The following THSD4 variants were observed in gnomAD, a reference collection of about 807,000 sequenced individuals.
The protein encoded by THSD4 is thrombospondin type-1 domain-containing protein 4.
In THSD4, 69 loss-of-function variants were observed where a neutral mutation model predicts 119.0. The ratio of observed to expected loss-of-function variants is 0.58; its 90% CI spans 0.48 to 0.71. The LOEUF is 0.71. Ranked by LOEUF, THSD4 falls within the 30% of genes least tolerant of loss-of-function variation. The probability of loss-of-function intolerance (pLI) is 0.00; values close to 1 mark genes in which losing one functional copy is unlikely to be tolerated. For synonymous variants in THSD4, 524 were observed against 540.4 expected (o/e 0.97, Z 0.42); for missense variants, 1,393 against 1,391.1 (o/e 1.00, Z -0.02).
intron 7 of THSD4, among the ~76,000 whole-genome samples, chr15:71,531,258 G>A (rs552137144): frequency 6.6e-6 from 1 of 152,220 alleles, no homozygotes; most frequent in East Asian, 1.9e-4. Flanking sequence ...TCATCCTACA[G>A]GCAATAGGAA....
chr15:71,300,400 C>T (rs2044932232), intron 6 of THSD4, among the ~76,000 whole-genome samples: 1 of 152,096 alleles, frequency 6.6e-6, no homozygotes, highest in Admixed American at 6.5e-5. Flanking sequence ...AGTAGTTTCT[C>T]TTCTGGTTAG....
chr15:71,500,755 C>T (rs1451171476), intron 7 of THSD4, among the ~76,000 whole-genome samples: 1 of 152,182 alleles, frequency 6.6e-6, no homozygotes, highest in Non-Finnish European at 1.5e-5. Context: ...ATTGTGTAAC[C>T]TTGGCACCCT....
chr15:71,150,550 A>T (rs1189379635), intron 2 of THSD4, among the ~76,000 whole-genome samples: 1 of 152,258 alleles, frequency 6.6e-6, no homozygotes, highest in Non-Finnish European at 1.5e-5. Flanking sequence ...AGTTTACTCC[A>T]GAATGAATTT....
intron 5 of THSD4, among the ~76,000 whole-genome samples, chr15:71,246,608 T>G (rs1230224395): frequency 1.3e-5 from 2 of 152,232 alleles, no homozygotes; most frequent in Non-Finnish European, 2.9e-5. Context: ...GCATGTTTAA[T>G]ATTAAGACCT....
At chr15:71,587,786 T>TAAAAAAAAAAAAAAAAAAAAAAAAA (rs1491483701) in intron 7 of THSD4, among the ~76,000 whole-genome samples, 1 of 5,776 alleles carries the variant, frequency 1.7e-4, no homozygotes. Flanking sequence ...AAAAAAAAAA[T>TAAAAAAAAAAAAAAAAAAAAAAAAA]TAAAAAAAAA....
intron 8 of THSD4, among the ~76,000 whole-genome samples, chr15:71,688,510 T>C (rs1190646551): frequency 1.3e-5 from 2 of 152,194 alleles, no homozygotes; most frequent in African/African-American, 4.8e-5. Context: ...TAATGAAATA[T>C]TTTCCCAACC....
chr15:71,237,174 G>A (rs1596284174), intron 4 of THSD4, among the ~76,000 whole-genome samples: 1 of 152,066 alleles, frequency 6.6e-6, no homozygotes, highest in Admixed American at 6.5e-5. Flanking sequence ...AGAAGGGGTG[G>A]GTGGAAGAGC....
intron 15 of THSD4, 72 bp from the exon 16 acceptor site, chr15:71,764,948 T>A (rs1280583964): frequency 6.6e-7 from 1 of 1,524,216 alleles, no homozygotes; most frequent in African/African-American, 1.4e-5. Context: ...GTCATAAGCA[T>A]CCCTTGATGG....
intron 7 of THSD4, among the ~76,000 whole-genome samples, chr15:71,430,773 A>AG (rs1479441125): frequency 1.4e-5 from 2 of 147,386 alleles, no homozygotes; most frequent in Non-Finnish European, 3.0e-5. Flanking sequence ...AAAAAAAAAA[A>AG]AAAAAAAAAA....
intron 8 of THSD4, among the ~76,000 whole-genome samples, chr15:71,716,998 A>AAG (rs1474647611): frequency 4.6e-5 from 7 of 152,186 alleles, no homozygotes; most frequent in African/African-American, 1.7e-4. Context: ...TTTTTTAGAC[A>AAG]ACTCCAGTTT....
At position 71,317,393 on chromosome 15, in the gene THSD4, A is replaced by C. The variant is rs141989284; in HGVS notation, c.1015+60678A>C. Among the ~76,000 whole-genome samples, 482 of 152,338 alleles carry C rather than the reference A, an allele frequency of 3.2e-3. 23 individuals are homozygous for C. In the East Asian group the frequency reaches 0.079, roughly 25 times the overall value. On this transcript the variant is annotated intron_variant, in intron 6 of 17. Coordinates refer to ENST00000261862, the MANE Select transcript of THSD4 (RefSeq NM_024817.3). The stretch of plus-strand genomic sequence containing the variant: ...TTCCACATGGCTATGGAGGCTTCAC[A>C]GTAATGGCAGAAGGTGATGGAGGAG...
chr15:71,395,135 C>T (rs1434122871), intron 6 of THSD4, among the ~76,000 whole-genome samples: 1 of 152,162 alleles, frequency 6.6e-6, no homozygotes, highest in Non-Finnish European at 1.5e-5. Context: ...TGAAACCTGC[C>T]TTAGGAGTCG....
intron 14 of THSD4, among the ~76,000 whole-genome samples, chr15:71,749,854 T>G (rs990524075): frequency 6.6e-6 from 1 of 151,500 alleles, no homozygotes; most frequent in African/African-American, 2.4e-5. Flanking sequence ...CCTGCCCCCC[T>G]CCCGCCAACG....
chr15:71,499,232 C>T (rs1470429599), intron 7 of THSD4, among the ~76,000 whole-genome samples: 1 of 152,068 alleles, frequency 6.6e-6, no homozygotes, highest in African/African-American at 2.4e-5. Context: ...GCTTAATGCT[C>T]TCCTCTCTGC....
Position 71,478,305 on chromosome 15 carries a change from C to T in THSD4, c.1152+66482C>T, listed in dbSNP as rs532858093. On this transcript the variant is annotated intron_variant, in intron 7 of 17. Transcript: ENST00000261862. ...TCCATTCCTGACTTTCTTGTGTCTT[C>T]GTCTACTTATTTTAATTTATTTTAT... Among the ~76,000 whole-genome samples the T allele has an allele frequency of 9.8e-4, 149 of 152,182 alleles. 1 individual carries two copies. In the Middle Eastern group the frequency reaches 0.01, roughly 10 times the overall value.
intron 7 of THSD4, chr15:71,547,677 A>AAG: frequency 1.5e-6 from 1 of 654,162 alleles, no homozygotes; most frequent in Non-Finnish European, 2.3e-6. Flanking sequence ...TATACTTTCT[A>AAG]AAATGTCATT....
At chr15:71,510,133 G>T (rs1317077713) in intron 7 of THSD4, among the ~76,000 whole-genome samples, 3 of 152,216 alleles carry the variant, frequency 2.0e-5, no homozygotes, top group African/African-American at 7.2e-5. Flanking sequence ...TTGCCCATTG[G>T]TAGAAAGTTG....
intron 6 of THSD4, among the ~76,000 whole-genome samples, chr15:71,380,129 T>G (rs1254593817): frequency 1.3e-5 from 2 of 152,108 alleles, no homozygotes; most frequent in African/African-American, 4.8e-5. Flanking sequence ...TCATTTTTGT[T>G]TACGTACTAA....
chr15:71,294,566 G>A (rs2044837046), intron 6 of THSD4, among the ~76,000 whole-genome samples: 1 of 152,122 alleles, frequency 6.6e-6, no homozygotes, highest in African/African-American at 2.4e-5. Flanking sequence ...GACACAGGCT[G>A]CATGTCTCTG....
Sources: gnomAD v4.1 joint callset for allele counts (sites outside exome capture counted in the v4.1 genomes callset) on GRCh38, gnomAD v4.1.1 for gene constraint, MANE v1.5 for transcripts, NCBI Gene and HGNC (gene_info 2026-07-23, HGNC 2026-07-21) for gene names.